Variants in POU3F3 observed in about 807,000 individuals in gnomAD.
POU3F3 encodes the protein POU class 3 homeobox 3.
A neutral mutation model predicts 8.6 loss-of-function variants in POU3F3; 1 was observed. The observed-to-expected ratio is 0.12, with a 90% confidence interval of 0.04 to 0.55. The LOEUF is 0.55. Among genes scored for constraint, POU3F3 ranks in the 20% least tolerant of loss-of-function variants. POU3F3 has a pLI of 0.91. For missense variants in POU3F3, 577 were observed against 690.7 expected (o/e 0.84, Z 1.84); for synonymous variants, 418 against 327.4 (o/e 1.28, Z -2.99).
At chr2:104,907,262 A>G in the POU3F3 span, among the ~76,000 whole-genome samples, 1 of 152,154 alleles carries the variant, frequency 6.6e-6, no homozygotes. Context: ...ATCTTCTAGG[A>G]GAGGCCTTCC....
the POU3F3 span, among the ~76,000 whole-genome samples, chr2:104,880,976 A>T: frequency 6.6e-6 from 1 of 152,240 alleles, no homozygotes; most frequent in Non-Finnish European, 1.5e-5. Context: ...AAGACAGTGT[A>T]TCAAAAATAA....
chr2:104,874,471 G>A, the POU3F3 span, among the ~76,000 whole-genome samples: 1 of 152,208 alleles, frequency 6.6e-6, no homozygotes, highest in Non-Finnish European at 1.5e-5. Flanking sequence ...AGCAGAATGG[G>A]AGTGCCCCTG....
At chr2:104,873,670 G>C in the POU3F3 span, among the ~76,000 whole-genome samples, 7 of 152,214 alleles carry the variant, frequency 4.6e-5, no homozygotes, top group African/African-American at 7.2e-5. Context: ...GGTTAGGCCC[G>C]ACAGGAGCCC....
chr2:104,887,358 A>T, the POU3F3 span, among the ~76,000 whole-genome samples: 6 of 152,248 alleles, frequency 3.9e-5, no homozygotes, highest in Admixed American at 6.5e-5. Flanking sequence ...CCTACTCAAG[A>T]TGGAGTTGTT....
the POU3F3 span, among the ~76,000 whole-genome samples, chr2:104,915,644 T>C: frequency 6.6e-6 from 1 of 151,840 alleles, no homozygotes. Flanking sequence ...CTCCAGTTCC[T>C]TACAGACATA....
chr2:104,870,400 T>C, the POU3F3 span, among the ~76,000 whole-genome samples: 1 of 152,216 alleles, frequency 6.6e-6, no homozygotes, highest in Admixed American at 6.5e-5. Context: ...GGAGTGTGCT[T>C]GTCACTAGCA....
At chr2:104,889,408 A>C in the POU3F3 span, among the ~76,000 whole-genome samples, 1 of 152,230 alleles carries the variant, frequency 6.6e-6, no homozygotes, top group Non-Finnish European at 1.5e-5. Context: ...GGCTCCTCCC[A>C]GCTGCAAATG....
downstream of POU3F3, among the ~76,000 whole-genome samples, chr2:104,860,813 G>A (rs780688208): frequency 2.7e-5 from 3 of 110,666 alleles, no homozygotes; most frequent in African/African-American, 3.5e-5. Flanking sequence ...TCTTTGTTCC[G>A]AAGAGAACTG....
chr2:104,857,108 CGCCGCCGCT>C lies in POU3F3; in HGVS notation c.*104_*112del, dbSNP rs911782073. On this transcript the variant is annotated 3_prime_UTR_variant, in exon 1 of 1. Coordinates refer to ENST00000361360, the MANE Select transcript of POU3F3 (RefSeq NM_006236.3). ...CCCCTGCCGCCGCCGCCGCCGCCGC[CGCCGCCGCT>C]GCCGCCGCCGCGCCGACCCTGCACC... is the stretch of plus-strand genomic sequence containing the variant. The C allele has an allele frequency of 7.0e-5, 68 of 974,062 alleles. No homozygotes were observed. The highest frequency in any genetic ancestry group is 2.3e-4 in the East Asian group (2 of 8,860). 60.3% of individuals were successfully genotyped at this position (974,062 alleles called of 1,614,324 possible). A position where few individuals can be genotyped will look rare whatever the true frequency, so the allele number is the denominator to read the frequency against.
At chr2:104,917,184 A>G in the POU3F3 span, among the ~76,000 whole-genome samples, 1 of 152,212 alleles carries the variant, frequency 6.6e-6, no homozygotes, top group Non-Finnish European at 1.5e-5. Flanking sequence ...TGCAGATGGC[A>G]GCTTGTGGGA....
the POU3F3 span, among the ~76,000 whole-genome samples, chr2:104,926,974 G>C: frequency 6.6e-6 from 1 of 152,122 alleles, no homozygotes; most frequent in Admixed American, 6.5e-5. Context: ...GGCTAGGGGA[G>C]GGATAGCATT....
downstream of POU3F3, among the ~76,000 whole-genome samples, chr2:104,860,014 G>A (rs537069992): frequency 2.6e-5 from 4 of 152,262 alleles, no homozygotes; most frequent in African/African-American, 9.6e-5. Flanking sequence ...ACGTGAGATG[G>A]AATCTTGTTT....
chr2:104,875,343 G>A, the POU3F3 span, among the ~76,000 whole-genome samples: 158 of 152,316 alleles, frequency 1.0e-3, 1 homozygote, highest in East Asian at 6.4e-3. Flanking sequence ...ATTCTTTTCA[G>A]CGTGTACCCA....
the POU3F3 span, among the ~76,000 whole-genome samples, chr2:104,875,319 A>G: frequency 6.6e-6 from 1 of 152,224 alleles, no homozygotes; most frequent in African/African-American, 2.4e-5. Context: ...TATCTCTTGA[A>G]GTTCTTGCTT....
chr2:104,897,206 G>T, the POU3F3 span, among the ~76,000 whole-genome samples: 1 of 152,182 alleles, frequency 6.6e-6, no homozygotes, highest in Non-Finnish European at 1.5e-5. Context: ...AGAAGGAGAA[G>T]CCAGCAGCAT....
the POU3F3 span, among the ~76,000 whole-genome samples, chr2:104,900,509 A>G: frequency 6.6e-6 from 1 of 152,226 alleles, no homozygotes; most frequent in African/African-American, 2.4e-5. Context: ...GAATGCGAGA[A>G]GGTGTGAGTT....
the POU3F3 span, among the ~76,000 whole-genome samples, chr2:104,886,234 C>T: frequency 1.2e-4 from 19 of 152,086 alleles, no homozygotes; most frequent in African/African-American, 4.3e-4. Context: ...TCATGTGATG[C>T]GTAACAACAT....
the POU3F3 span, among the ~76,000 whole-genome samples, chr2:104,882,432 A>G: frequency 6.6e-6 from 1 of 151,848 alleles, no homozygotes; most frequent in Admixed American, 6.6e-5. Flanking sequence ...TTGTACTTTT[A>G]GTAGAGACGG....
downstream of POU3F3, among the ~76,000 whole-genome samples, chr2:104,860,687 G>C (rs1426085109): frequency 6.6e-6 from 1 of 150,854 alleles, no homozygotes; most frequent in Non-Finnish European, 1.5e-5. Flanking sequence ...TCTTCCCCTG[G>C]CAAGTCTGTG....
Sources: allele counts gnomAD v4.1 joint callset (sites outside exome capture counted in the v4.1 genomes callset), GRCh38; gene constraint gnomAD v4.1.1; transcripts MANE v1.5; gene names NCBI Gene and HGNC (gene_info 2026-07-23, HGNC 2026-07-21).